Variants in PLEKHH2 observed in about 807,000 individuals in gnomAD.
PLEKHH2 encodes the protein pleckstrin homology domain-containing family H member 2.
A neutral mutation model predicts 187.9 loss-of-function variants in PLEKHH2; 129 were observed. That is an observed-to-expected ratio of 0.69 (90% CI 0.59 to 0.79). The LOEUF is 0.79. Among genes scored for constraint, PLEKHH2 ranks in the 30% least tolerant of loss-of-function variants. The pLI, the probability that PLEKHH2 is intolerant of heterozygous loss-of-function variation, is 0.00. For synonymous variants in PLEKHH2, 686 were observed against 605.6 expected, an observed-to-expected ratio of 1.13 and a Z score of -1.95; for missense variants, 2,076 against 1,751.2, an observed-to-expected ratio of 1.19 and a Z score of -3.31.
rs181232509 is a variant in PLEKHH2, at chr2:43,727,251, A to T, written c.2721+800A>T. Among the ~76,000 whole-genome samples, 579 of 152,098 alleles carry T rather than the reference A, an allele frequency of 3.8e-3. 4 individuals are homozygous for T. The highest frequency in any genetic ancestry group is 0.013 in the African/African-American group (548 of 41,492). ...AACATGGTGAAACTCTGTCTCTACT[A>T]AAATACAAAAATTAGCCAGGCGAGG... On this transcript the variant is annotated intron_variant, in intron 17 of 29. Transcript: ENST00000282406.
In PLEKHH2 at chr2:43,758,985, GC is replaced by G; in HGVS notation, c.4029del (p.Arg1344GlyfsTer16). Reference sequence around the variant, plus strand: ...CTGTGTGCGCATTTATTTGACAGTAGCCAGGAAGTGGCCATTCTTTGGTGCC... The same window carrying G: ...CTGTGTGCGCATTTATTTGACAGTAGCAGGAAGTGGCCATTCTTTGGTGCC... ...ADCVRIYLTV[A>X]RKWPFFGAKL... is the part of the protein sequence containing the mutation. On this transcript the variant is annotated frameshift_variant, in exon 27 of 30. Transcript: ENST00000282406. LOFTEE classifies it high-confidence loss of function. The G allele has an allele frequency of 6.2e-7, 1 of 1,612,962 alleles. No individual in the cohort carries two copies.
At position 43,710,515 on chromosome 2, in the gene PLEKHH2, C is replaced by G; in HGVS notation, c.2241C>G (p.Gly747=). The G allele has an allele frequency of 6.3e-7, 1 of 1,597,998 alleles. No homozygotes were observed. The highest frequency in any genetic ancestry group is 8.5e-7 in the Non-Finnish European group (1 of 1,176,396). Residue 747 remains glycine, a synonymous_variant, in exon 14 of 30, where the codon GGC becomes GGG. Transcript: ENST00000282406. ...GTGATGTAATTAGAAAACCCCAGGGCCATATTGAACTTAGTGCATCCTGTA... is the reference window on the plus strand; with the variant it reads ...GTGATGTAATTAGAAAACCCCAGGGGCATATTGAACTTAGTGCATCCTGTA... ...SPSDVIRKPQ[G]HIELSASCSI...
intron 3 of PLEKHH2, among the ~76,000 whole-genome samples, chr2:43,682,341 C>G (rs1286618609): frequency 6.6e-6 from 1 of 152,102 alleles, no homozygotes; most frequent in Non-Finnish European, 1.5e-5. Flanking sequence ...CAGTCTCACT[C>G]TGTCACCTGG....
intron 17 of PLEKHH2, 30 bp downstream of exon 17, chr2:43,726,481 A>G (rs763095247): frequency 1.3e-6 from 2 of 1,535,810 alleles, no homozygotes; most frequent in Admixed American, 1.7e-5. Flanking sequence ...TTGATTTAGA[A>G]TGATGTAGAC....
chr2:43,758,380 G>T (rs1375212599), intron 26 of PLEKHH2, among the ~76,000 whole-genome samples: 1 of 152,092 alleles, frequency 6.6e-6, no homozygotes, highest in Non-Finnish European at 1.5e-5. Flanking sequence ...AGCCTCCCGA[G>T]TAGCTGGGAT....
At chr2:43,652,506 G>A (rs1278952011) in intron 2 of PLEKHH2, among the ~76,000 whole-genome samples, 1 of 152,114 alleles carries the variant, frequency 6.6e-6, no homozygotes, top group East Asian at 1.9e-4. Context: ...CTCCCACTTG[G>A]CTCCTAAAAT....
At chr2:43,670,093 A>T (rs542774176) in intron 2 of PLEKHH2, among the ~76,000 whole-genome samples, 1 of 152,224 alleles carries the variant, frequency 6.6e-6, no homozygotes, top group East Asian at 1.9e-4. Flanking sequence ...TTTTCATCAA[A>T]ATACTGGATG....
chr2:43,742,699 T>C (rs1474453608), intron 21 of PLEKHH2, 42 bp from the exon 22 acceptor site: 1 of 1,395,900 alleles, frequency 7.2e-7, no homozygotes, highest in African/African-American at 1.5e-5. Flanking sequence ...AGGTTGTCAA[T>C]TAAATTTATT....
At chr2:43,754,744 C>G (rs985011035) in intron 25 of PLEKHH2, among the ~76,000 whole-genome samples, 3 of 152,096 alleles carry the variant, frequency 2.0e-5, no homozygotes, top group African/African-American at 7.2e-5. Flanking sequence ...GCCTATGGCT[C>G]TTCACGCTAC....
Position 43,745,968 on chromosome 2 carries a change from G to A in PLEKHH2, c.3653+5G>A. 1 of 1,579,602 alleles carries A rather than the reference G, an allele frequency of 6.3e-7. No individual in the cohort carries two copies. Among genetic ancestry groups the A allele is most frequent in the Non-Finnish European group, 8.7e-7 (1 of 1,153,206 alleles). The stretch of plus-strand genomic sequence containing the variant: ...TCGTCTGACATACAAAAACAGGTGT[G>A]TAATACTGCATCCAGATGCCAAAGT... On this transcript the variant is annotated splice_donor_5th_base_variant and intron_variant, in intron 24 of 29. Coordinates refer to ENST00000282406, the MANE Select transcript of PLEKHH2 (RefSeq NM_172069.4).
intron 2 of PLEKHH2, among the ~76,000 whole-genome samples, chr2:43,658,436 A>G (rs994684332): frequency 7.2e-5 from 11 of 152,264 alleles, no homozygotes; most frequent in Non-Finnish European, 1.0e-4. Context: ...TAAAACAACT[A>G]TAAGCATTTA....
At chr2:43,713,215 C>T (rs1003756886) in intron 15 of PLEKHH2, among the ~76,000 whole-genome samples, 3 of 152,050 alleles carry the variant, frequency 2.0e-5, no homozygotes, top group Non-Finnish European at 4.4e-5. Flanking sequence ...AGATGTTCCT[C>T]ACAGCATGTT....
intron 2 of PLEKHH2, among the ~76,000 whole-genome samples, chr2:43,649,676 A>AT (rs1157155207): frequency 2.0e-5 from 3 of 152,214 alleles, no homozygotes; most frequent in Non-Finnish European, 4.4e-5. Context: ...ATATACTAAC[A>AT]ATGGGACCGT....
At chr2:43,639,249 T>C (rs1284786276) in intron 1 of PLEKHH2, among the ~76,000 whole-genome samples, 2 of 152,258 alleles carry the variant, frequency 1.3e-5, no homozygotes, top group African/African-American at 4.8e-5. Flanking sequence ...AAATATGTGA[T>C]CTTTTTTATT....
At chr2:43,760,028 A>G (rs973946544) in intron 27 of PLEKHH2, among the ~76,000 whole-genome samples, 3 of 152,214 alleles carry the variant, frequency 2.0e-5, no homozygotes, top group African/African-American at 7.2e-5. Context: ...TAAAGTTAGT[A>G]TTCTTAAACA....
At chr2:43,728,819 C>G (rs1426588512) in intron 17 of PLEKHH2, among the ~76,000 whole-genome samples, 1 of 152,074 alleles carries the variant, frequency 6.6e-6, no homozygotes, top group Non-Finnish European at 1.5e-5. Context: ...GGCTTGGCCT[C>G]TCAAAGTGCT....
At chr2:43,719,347 G>T (rs1055105814) in intron 15 of PLEKHH2, among the ~76,000 whole-genome samples, 1 of 152,148 alleles carries the variant, frequency 6.6e-6, no homozygotes, top group Non-Finnish European at 1.5e-5. Flanking sequence ...TTATTACTTT[G>T]TATGATTACT....
At chr2:43,694,205 AGAG>A (rs1668977444) in intron 4 of PLEKHH2, among the ~76,000 whole-genome samples, 1 of 152,216 alleles carries the variant, frequency 6.6e-6, no homozygotes, top group South Asian at 2.1e-4. Context: ...TTTCAGAGAA[AGAG>A]AATAGCGGTT....
At chr2:43,659,521 TG>T (rs947336200) in intron 2 of PLEKHH2, among the ~76,000 whole-genome samples, 9 of 152,132 alleles carry the variant, frequency 5.9e-5, no homozygotes, top group African/African-American at 2.2e-4. Context: ...TATTGTTATC[TG>T]TCTTTCTTAG....
Sources: gnomAD v4.1 joint callset for allele counts (sites outside exome capture counted in the v4.1 genomes callset) on GRCh38, gnomAD v4.1.1 for gene constraint, MANE v1.5 for transcripts, NCBI Gene and HGNC (gene_info 2026-07-23, HGNC 2026-07-21) for gene names.